Variants in RBFOX1 observed in about 807,000 individuals in gnomAD.
RBFOX1 encodes RNA binding protein fox-1 homolog 1.
A neutral mutation model predicts 57.7 loss-of-function variants in RBFOX1; 8 were observed. The ratio of observed to expected loss-of-function variants is 0.14; its 90% confidence interval spans 0.08 to 0.25. The LOEUF (loss-of-function observed/expected upper bound fraction) is 0.25. RBFOX1 is among the 10% of genes least tolerant of loss of function. The probability of loss-of-function intolerance (pLI) is 1.00; values close to 1 mark genes in which losing one functional copy is unlikely to be tolerated. For synonymous variants in RBFOX1, 326 were observed against 222.4 expected (o/e 1.47, Z -4.15); for missense variants, 611 against 548.5 (o/e 1.11, Z -1.14).
chr16:6,711,403 G>GT (rs1388295228), intron 3 of RBFOX1, among the ~76,000 whole-genome samples: 1 of 152,130 alleles, frequency 6.6e-6, no homozygotes. Flanking sequence ...TCCTGATATG[G>GT]TTTGACTCTG....
intron 2 of RBFOX1, among the ~76,000 whole-genome samples, chr16:6,582,102 G>A (rs1402402923): frequency 6.6e-6 from 1 of 152,080 alleles, no homozygotes; most frequent in Non-Finnish European, 1.5e-5. Context: ...GGTTCAAAAT[G>A]GCAATAGCAT....
intron 4 of RBFOX1, among the ~76,000 whole-genome samples, chr16:7,160,947 T>C (rs756704294): frequency 6.6e-6 from 1 of 152,152 alleles, no homozygotes; most frequent in Non-Finnish European, 1.5e-5. Flanking sequence ...AATACCACAT[T>C]TATATCAGCG....
intron 2 of RBFOX1, among the ~76,000 whole-genome samples, chr16:6,454,817 G>C (rs1027038074): frequency 6.9e-6 from 1 of 145,566 alleles, no homozygotes; most frequent in African/African-American, 2.6e-5. Context: ...TCCATGTTCC[G>C]TCCCCTATTA....
chr16:7,346,240 G>A (rs2097001997), intron 4 of RBFOX1, among the ~76,000 whole-genome samples: 1 of 151,942 alleles, frequency 6.6e-6, no homozygotes. Context: ...ATGGACATTT[G>A]GTTTGGTTCC....
intron 2 of RBFOX1, among the ~76,000 whole-genome samples, chr16:6,494,633 T>G (rs904977527): frequency 1.3e-5 from 2 of 152,230 alleles, no homozygotes; most frequent in African/African-American, 4.8e-5. Context: ...AAAGCTGTCT[T>G]GAACATTTGT....
chr16:5,908,440 C>T (rs1286355006), intron 4 of RBFOX1, among the ~76,000 whole-genome samples: 4 of 151,576 alleles, frequency 2.6e-5, no homozygotes, highest in African/African-American at 9.7e-5. Flanking sequence ...ACATCCTCTG[C>T]CTCCCGGTTT....
intron 12 of RBFOX1, among the ~76,000 whole-genome samples, 197 bp downstream of exon 12, chr16:7,654,144 G>C (rs1230047160): frequency 6.6e-6 from 1 of 152,134 alleles, no homozygotes; most frequent in Admixed American, 6.5e-5. Flanking sequence ...AATTTGTCCT[G>C]TCATGGTTGG....
chr16:7,638,677 G>T (rs528744029), intron 11 of RBFOX1, among the ~76,000 whole-genome samples: 153 of 152,264 alleles, frequency 1.0e-3, no homozygotes, highest in African/African-American at 3.6e-3. Context: ...CTGTTGCAGC[G>T]ACTCAACTCT....
At chr16:5,775,216 C>A (rs74006279) in intron 3 of RBFOX1, among the ~76,000 whole-genome samples, 5,200 of 152,202 alleles carry the variant, frequency 0.034, 310 homozygotes, top group African/African-American at 0.12. Context: ...CATAGGATCC[C>A]CAAATGTATC....
At chr16:6,022,536 G>A (rs1011485586) in intron 1 of RBFOX1, among the ~76,000 whole-genome samples, 5 of 152,038 alleles carry the variant, frequency 3.3e-5, no homozygotes, top group African/African-American at 1.2e-4. Context: ...CAAACAATTA[G>A]ATGGGTGTGG....
chr16:7,462,393 G>A (rs953814213), intron 4 of RBFOX1, among the ~76,000 whole-genome samples: 3 of 152,200 alleles, frequency 2.0e-5, no homozygotes, highest in African/African-American at 7.2e-5. Context: ...TACTCAGGGG[G>A]CTGAGGAGAA....
At chr16:5,788,696 A>T (rs762505780) in intron 3 of RBFOX1, among the ~76,000 whole-genome samples, 4 of 152,132 alleles carry the variant, frequency 2.6e-5, no homozygotes, top group African/African-American at 4.8e-5. Context: ...TTATTTAGCA[A>T]ACTGTGAGCT....
intron 4 of RBFOX1, among the ~76,000 whole-genome samples, chr16:7,284,601 G>C (rs1303328989): frequency 6.6e-6 from 1 of 152,082 alleles, no homozygotes; most frequent in Non-Finnish European, 1.5e-5. Flanking sequence ...ACAGTGCTAG[G>C]ATGACAGGCA....
chr16:5,994,296 G>A (rs1299388644), intron 4 of RBFOX1, among the ~76,000 whole-genome samples: 2 of 152,146 alleles, frequency 1.3e-5, no homozygotes, highest in African/African-American at 4.8e-5. Context: ...TTAGTAGCTG[G>A]GATTATAGGC....
intron 3 of RBFOX1, among the ~76,000 whole-genome samples, chr16:6,932,822 C>T (rs1386092133): frequency 6.6e-6 from 1 of 152,132 alleles, no homozygotes; most frequent in Non-Finnish European, 1.5e-5. Context: ...GTTGTGTAAC[C>T]ATGGCCACTG....
intron 3 of RBFOX1, among the ~76,000 whole-genome samples, chr16:5,680,893 T>TTGTG (rs34949358): frequency 1.1e-4 from 16 of 150,206 alleles, no homozygotes; most frequent in Admixed American, 6.6e-4. Context: ...GAGCTTGTAT[T>TTGTG]TGTGTGTGTG....
At chr16:5,765,833 C>G (rs1473156944) in intron 3 of RBFOX1, among the ~76,000 whole-genome samples, 3 of 152,172 alleles carry the variant, frequency 2.0e-5, no homozygotes, top group African/African-American at 7.2e-5. Flanking sequence ...ACACTAATGG[C>G]AAGAACAAGG....
chr16:7,565,549 A>C (rs1213126953), intron 5 of RBFOX1, among the ~76,000 whole-genome samples: 1 of 152,210 alleles, frequency 6.6e-6, no homozygotes, highest in African/African-American at 2.4e-5. Context: ...GCCCAGCATT[A>C]CTGGCTAAAT....
At chr16:5,812,936 T>A (rs1353457893) in intron 3 of RBFOX1, among the ~76,000 whole-genome samples, 2 of 152,180 alleles carry the variant, frequency 1.3e-5, no homozygotes, top group Non-Finnish European at 2.9e-5. Flanking sequence ...ATTAGAAAAT[T>A]TTGGGTTGTT....
Sources: gnomAD v4.1 joint callset for allele counts (sites outside exome capture counted in the v4.1 genomes callset) on GRCh38, gnomAD v4.1.1 for gene constraint, MANE v1.5 for transcripts, NCBI Gene and HGNC (gene_info 2026-07-23, HGNC 2026-07-21) for gene names.